ADGRL2: variants seen among roughly 807,000 people sequenced by gnomAD.
The protein encoded by ADGRL2 is calcium-independent alpha-latrotoxin receptor 2.
ADGRL2 carries 44 observed loss-of-function variants against 157.4 expected under a neutral mutation model. That is an observed-to-expected ratio of 0.28 (90% CI 0.22 to 0.36). The LOEUF is 0.36. Ranked by LOEUF, ADGRL2 falls within the 10% of genes least tolerant of loss-of-function variation. The pLI is 1.00. For missense variants in ADGRL2, 1,510 were observed against 1,768.9 expected, an observed-to-expected ratio of 0.85 and a Z score of 2.63; for synonymous variants, 585 against 624.7, an observed-to-expected ratio of 0.94 and a Z score of 0.95.
Position 81,348,417 on chromosome 1 carries a change from T to C in ADGRL2, c.-302+41908T>C, listed in dbSNP as rs184624378. ...AGTAGCCTTTCTCCTTCCCGTCTGC[T>C]TCACTTCTCTGACCAAAAAAGGTAC... is the stretch of plus-strand genomic sequence containing the variant. On this transcript the variant is annotated intron_variant, in intron 1 of 24. Transcript: ENST00000370721. Among the ~76,000 whole-genome samples, 216 of 152,320 alleles carry C rather than the reference T, an allele frequency of 1.4e-3. 2 individuals are homozygous for C. Among genetic ancestry groups the C allele is most frequent in the Middle Eastern group, 3.4e-3 (1 of 294 alleles).
chr1:81,885,119 C>T (rs2094095544), intron 2 of ADGRL2, among the ~76,000 whole-genome samples: 1 of 152,014 alleles, frequency 6.6e-6, no homozygotes, highest in Admixed American at 6.6e-5. Context: ...ATTTGAAAAA[C>T]GACCAATACG....
intron 2 of ADGRL2, among the ~76,000 whole-genome samples, chr1:81,790,551 G>A (rs1455236170): frequency 6.6e-6 from 1 of 152,124 alleles, no homozygotes; most frequent in Non-Finnish European, 1.5e-5. Context: ...ATTTATATAA[G>A]ATTTCTAGGT....
chr1:81,735,873 G>A (rs1557606837), intron 1 of ADGRL2, among the ~76,000 whole-genome samples: 3 of 151,954 alleles, frequency 2.0e-5, no homozygotes, highest in East Asian at 3.9e-4. Flanking sequence ...GGCTGGGCGC[G>A]GTGGCTTACG....
intron 1 of ADGRL2, chr1:81,722,176 C>G (rs1489101727): frequency 8.2e-6 from 3 of 365,504 alleles, no homozygotes; most frequent in African/African-American, 2.1e-5. Flanking sequence ...GCCTGTAGTC[C>G]CAGCTGCTCG....
At chr1:81,578,114 AAAC>A (rs2080832310) in intron 2 of ADGRL2, among the ~76,000 whole-genome samples, 1 of 152,196 alleles carries the variant, frequency 6.6e-6, no homozygotes, top group Non-Finnish European at 1.5e-5. Flanking sequence ...GTGACTTAGA[AAAC>A]AACAAGTTAG....
Position 81,992,436 on chromosome 1 carries a change from A to ACTT in ADGRL2, c.*1292_*1294dup. The ACTT allele has an allele frequency of 6.5e-6, 1 of 152,706 alleles. No homozygotes were observed. Among genetic ancestry groups the ACTT allele is most frequent in the East Asian group, 1.9e-4 (1 of 5,176 alleles). 9.5% of individuals were successfully genotyped at this position (152,706 alleles called of 1,614,324 possible). The stretch of plus-strand genomic sequence containing the variant: ...ATTTTTTCAAGTAGTTAACATGTGA[A>ACTT]CTTTTATGTATGATACATAATTGGC... On this transcript the variant is annotated 3_prime_UTR_variant, in exon 24 of 24. Coordinates refer to ENST00000686636, the MANE Select transcript of ADGRL2 (RefSeq NM_001366006.2).
At chr1:81,365,812 C>T (rs998719975) in intron 1 of ADGRL2, among the ~76,000 whole-genome samples, 1 of 152,132 alleles carries the variant, frequency 6.6e-6, no homozygotes, top group African/African-American at 2.4e-5. Flanking sequence ...AGTGACATCT[C>T]TTTTACTGAC....
intron 1 of ADGRL2, among the ~76,000 whole-genome samples, chr1:81,435,664 T>G (rs544544177): frequency 6.6e-6 from 1 of 152,366 alleles, no homozygotes; most frequent in East Asian, 1.9e-4. Context: ...TTATATAAAT[T>G]CATAGTGGAT....
intron 2 of ADGRL2, among the ~76,000 whole-genome samples, chr1:81,479,062 A>C (rs2078330539): frequency 6.6e-6 from 1 of 152,152 alleles, no homozygotes; most frequent in East Asian, 1.9e-4. Flanking sequence ...TTGTGTTTGA[A>C]AGTATTGTGT....
chr1:81,827,850 C>G (rs764064491), intron 1 of ADGRL2, among the ~76,000 whole-genome samples: 14 of 152,168 alleles, frequency 9.2e-5, no homozygotes, highest in Non-Finnish European at 1.3e-4. Flanking sequence ...CAGGTGTGAG[C>G]CACTGCACCT....
chr1:81,447,698 A>C (rs1195845995), intron 2 of ADGRL2, among the ~76,000 whole-genome samples: 1 of 152,166 alleles, frequency 6.6e-6, no homozygotes, highest in Non-Finnish European at 1.5e-5. Flanking sequence ...AGCAACAAAA[A>C]TGGTTAGCAG....
chr1:81,846,158 G>T (rs574793018), intron 2 of ADGRL2, among the ~76,000 whole-genome samples: 1 of 151,610 alleles, frequency 6.6e-6, no homozygotes, highest in African/African-American at 2.4e-5. Context: ...TTGAAGTTTG[G>T]AACATAGCCA....
At chr1:81,674,593 G>A (rs1268059286) in intron 3 of ADGRL2, among the ~76,000 whole-genome samples, 1 of 152,222 alleles carries the variant, frequency 6.6e-6, no homozygotes. Flanking sequence ...CAAAGTTTGA[G>A]AGAAAATCAA....
At chr1:81,704,639 G>C (rs185985260) in intron 1 of ADGRL2, among the ~76,000 whole-genome samples, 1 of 152,232 alleles carries the variant, frequency 6.6e-6, no homozygotes, top group African/African-American at 2.4e-5. Context: ...ACCTTTCCCA[G>C]ATCCCAAGTC....
intron 2 of ADGRL2, among the ~76,000 whole-genome samples, chr1:81,864,799 T>TA (rs1225629292): frequency 1.3e-5 from 2 of 152,056 alleles, no homozygotes; most frequent in Non-Finnish European, 2.9e-5. Flanking sequence ...CCATTTCTAC[T>TA]AAAAAACAAA....
intron 1 of ADGRL2, among the ~76,000 whole-genome samples, chr1:81,347,835 T>C (rs980751255): frequency 6.6e-6 from 1 of 152,044 alleles, no homozygotes; most frequent in Non-Finnish European, 1.5e-5. Context: ...AGCAGAGACA[T>C]TGACAGTTTT....
chr1:81,387,615 G>A (rs1248768416), intron 1 of ADGRL2, among the ~76,000 whole-genome samples: 5 of 152,000 alleles, frequency 3.3e-5, no homozygotes, highest in African/African-American at 7.2e-5. Context: ...GTTTACCCTC[G>A]AAGCCTTCAA....
At chr1:81,485,896 G>A (rs1044434398) in intron 2 of ADGRL2, among the ~76,000 whole-genome samples, 5 of 151,816 alleles carry the variant, frequency 3.3e-5, no homozygotes, top group South Asian at 2.1e-4. Context: ...CTAAAGACTC[G>A]GACTTAACCT....
intron 17 of ADGRL2, among the ~76,000 whole-genome samples, chr1:81,976,578 C>A (rs1486924817): frequency 6.6e-6 from 1 of 151,940 alleles, no homozygotes; most frequent in South Asian, 2.1e-4. Context: ...TTAAAACATT[C>A]CATTTTAAGT....
Sources: gnomAD v4.1 joint callset for allele counts (sites outside exome capture counted in the v4.1 genomes callset) on GRCh38, gnomAD v4.1.1 for gene constraint, MANE v1.5 for transcripts, NCBI Gene and HGNC (gene_info 2026-07-23, HGNC 2026-07-21) for gene names.